Variants in EML4 observed in about 807,000 individuals in gnomAD.
EML4 encodes EMAP like 4, also known as echinoderm microtubule-associated protein-like 4.
Under a neutral mutation model 129.0 loss-of-function variants are expected in EML4, and 72 were observed. That is an observed-to-expected ratio of 0.56 (90% confidence interval 0.46 to 0.68). EML4 has a LOEUF of 0.68. Ranked by LOEUF, EML4 falls within the 30% of genes least tolerant of loss-of-function variation. The pLI is 0.00. For missense variants in EML4, 1,363 were observed against 1,190.6 expected, an observed-to-expected ratio of 1.14 and a Z score of -2.13; for synonymous variants, 532 against 405.0, an observed-to-expected ratio of 1.31 and a Z score of -3.77.
intron 1 of EML4, among the ~76,000 whole-genome samples, chr2:42,243,389 C>T (rs1455580683): frequency 6.6e-6 from 1 of 150,964 alleles, no homozygotes; most frequent in Non-Finnish European, 1.5e-5. Flanking sequence ...ATTTCTAAGG[C>T]GAGAGACTGA....
intron 6 of EML4, among the ~76,000 whole-genome samples, chr2:42,275,004 G>A (rs770162901): frequency 2.0e-5 from 3 of 152,150 alleles, no homozygotes; most frequent in Admixed American, 6.5e-5. Flanking sequence ...AGTACTATTT[G>A]GATTAAAAGG....
At chr2:42,190,070 G>C (rs1479022085) in intron 1 of EML4, among the ~76,000 whole-genome samples, 1 of 151,902 alleles carries the variant, frequency 6.6e-6, no homozygotes, top group Non-Finnish European at 1.5e-5. Flanking sequence ...ATTTAGAAAT[G>C]CAGGGAAGAG....
intron 18 of EML4, among the ~76,000 whole-genome samples, chr2:42,316,710 T>C (rs1307061897): frequency 6.6e-6 from 1 of 152,240 alleles, no homozygotes; most frequent in Non-Finnish European, 1.5e-5. Context: ...TTTGAAAATA[T>C]ATGCCAATAG....
intron 3 of EML4, among the ~76,000 whole-genome samples, chr2:42,257,662 C>T (rs182646883): frequency 3.3e-5 from 5 of 152,088 alleles, no homozygotes; most frequent in Middle Eastern, 3.4e-3. Flanking sequence ...GGTGAAACCC[C>T]GTCTCTACTA....
chr2:42,314,536 T>A (rs1669131837), intron 17 of EML4, among the ~76,000 whole-genome samples: 1 of 152,232 alleles, frequency 6.6e-6, no homozygotes, highest in Non-Finnish European at 1.5e-5. Context: ...GTAGTGATTT[T>A]GTTTTTCTAG....
At position 42,302,689 on chromosome 2, in the gene EML4, G is replaced by A. The variant is rs574779713; in HGVS notation, c.1642-415G>A. Among the ~76,000 whole-genome samples, 38 of 151,858 alleles carry A rather than the reference G, an allele frequency of 2.5e-4. No homozygotes were observed. The East Asian group carries it at 3.5e-3, about 14-fold the overall frequency. On this transcript the variant is annotated intron_variant, in intron 14 of 22. Transcript: ENST00000318522. Reference sequence around the variant, plus strand: ...GCTGGGATTATAGGCGCCCGCCACCGCACCTGGCTGATTTTTATATTTTTA... The same window carrying A: ...GCTGGGATTATAGGCGCCCGCCACCACACCTGGCTGATTTTTATATTTTTA...
intron 1 of EML4, among the ~76,000 whole-genome samples, chr2:42,241,660 G>A (rs1231996014): frequency 6.6e-6 from 1 of 152,144 alleles, no homozygotes; most frequent in Non-Finnish European, 1.5e-5. Context: ...TAAGCCCCTT[G>A]CGTGGCTTTG....
rs1670680207 is a variant in EML4 at position 42,177,595 on chromosome 2, C to G, written c.25+7959C>G. Among the ~76,000 whole-genome samples, 4 of 152,126 alleles carry G rather than the reference C, an allele frequency of 2.6e-5. No homozygotes were observed. The South Asian group carries it at 8.3e-4, about 32-fold the overall frequency. On this transcript the variant is annotated intron_variant, in intron 1 of 22. Transcript: ENST00000318522. ...CGCAGATCACACTACTGGGCTCCAA[C>G]CTGGGTGACACAGCGAGACCCCGTC... is the stretch of plus-strand genomic sequence containing the variant.
At position 42,332,054 on chromosome 2, in the gene EML4, A is replaced by ATCTG. The variant is rs1266112902; in HGVS notation, c.*1853_*1856dup. ...GCGCCAGTAAGTATCAGGCATATAT[A>ATCTG]TCTGTCTGTTAGCAATGATTATTAC... is the stretch of plus-strand genomic sequence containing the variant. On this transcript the variant is annotated 3_prime_UTR_variant, in exon 23 of 23. Coordinates refer to ENST00000318522, the MANE Select transcript of EML4 (RefSeq NM_019063.5). 4 of 222,200 alleles carry ATCTG rather than the reference A, an allele frequency of 1.8e-5. No individual in the cohort carries two copies. The highest frequency in any genetic ancestry group is 5.7e-5 in the Admixed American group (1 of 17,398). 13.8% of individuals were successfully genotyped at this position (222,200 alleles called of 1,614,324 possible). A position where few individuals can be genotyped will look rare whatever the true frequency, so the allele number is the denominator to read the frequency against.
chr2:42,228,811 G>A (rs1316668865), intron 1 of EML4, among the ~76,000 whole-genome samples: 1 of 151,924 alleles, frequency 6.6e-6, no homozygotes, highest in Admixed American at 6.6e-5. Flanking sequence ...ATGCTTGCTA[G>A]GGTTAGGAAA....
chr2:42,235,792 C>T (rs371523716), intron 1 of EML4, among the ~76,000 whole-genome samples: 2 of 151,874 alleles, frequency 1.3e-5, no homozygotes, highest in Non-Finnish European at 2.9e-5. Flanking sequence ...TCATAAAGAC[C>T]ATCTAGTATA....
At chr2:42,204,423 T>A (rs1240158547) in intron 1 of EML4, among the ~76,000 whole-genome samples, 3 of 152,182 alleles carry the variant, frequency 2.0e-5, no homozygotes, top group Non-Finnish European at 2.9e-5. Context: ...AATAAATATT[T>A]TAGGCTTTGT....
At chr2:42,225,412 T>A (rs1572577956) in intron 1 of EML4, among the ~76,000 whole-genome samples, 1 of 152,192 alleles carries the variant, frequency 6.6e-6, no homozygotes, top group South Asian at 2.1e-4. Flanking sequence ...TTCATGTGCT[T>A]ATTGATAATT....
chr2:42,203,209 A>C (rs112271295), intron 1 of EML4, among the ~76,000 whole-genome samples: 1,605 of 152,342 alleles, frequency 0.011, 30 homozygotes, highest in African/African-American at 0.036. Context: ...CCATAAGTAC[A>C]TATAATTATT....
intron 2 of EML4, among the ~76,000 whole-genome samples, chr2:42,253,446 T>G (rs1195585751): frequency 6.6e-6 from 1 of 152,204 alleles, no homozygotes; most frequent in Non-Finnish European, 1.5e-5. Flanking sequence ...CTAATGGTAC[T>G]TAAAATAATG....
At chr2:42,271,799 A>G (rs1666385517) in intron 6 of EML4, among the ~76,000 whole-genome samples, 1 of 152,192 alleles carries the variant, frequency 6.6e-6, no homozygotes, top group Non-Finnish European at 1.5e-5. Context: ...ATATTTTCAT[A>G]GTTAGAAATC....
chr2:42,297,323 C>G (rs1199071293), intron 13 of EML4, among the ~76,000 whole-genome samples: 1 of 152,096 alleles, frequency 6.6e-6, no homozygotes, highest in Non-Finnish European at 1.5e-5. Context: ...TCACGAATCT[C>G]CAACACTGAG....
chr2:42,175,765 C>T (rs1463698587), intron 1 of EML4, among the ~76,000 whole-genome samples: 1 of 152,170 alleles, frequency 6.6e-6, no homozygotes, highest in Admixed American at 6.5e-5. Context: ...TCCCAAAGTG[C>T]TGGGATTAGA....
intron 6 of EML4, among the ~76,000 whole-genome samples, chr2:42,273,631 A>G (rs1666494363): frequency 6.6e-6 from 1 of 152,168 alleles, no homozygotes; most frequent in African/African-American, 2.4e-5. Flanking sequence ...AGGAAATTTT[A>G]TCAGCCAATA....
Sources: gnomAD v4.1 joint callset for allele counts (sites outside exome capture counted in the v4.1 genomes callset) on GRCh38, gnomAD v4.1.1 for gene constraint, MANE v1.5 for transcripts, NCBI Gene and HGNC (gene_info 2026-07-23, HGNC 2026-07-21) for gene names.